NEDD4: variants seen among roughly 807,000 people sequenced by gnomAD.
NEDD4 encodes NEDD4 E3 ubiquitin protein ligase.
In NEDD4, 99 loss-of-function variants were observed where a neutral mutation model predicts 144.9. The observed-to-expected ratio is 0.68, with a 90% CI of 0.58 to 0.81. NEDD4 has a LOEUF of 0.81. Ranked by LOEUF, NEDD4 falls within the 30% of genes least tolerant of loss-of-function variation. The pLI is 0.00. For synonymous variants in NEDD4, 318 were observed against 350.6 expected (o/e 0.91, Z 1.04); for missense variants, 985 against 1,065.9 (o/e 0.92, Z 1.06).
intron 5 of NEDD4, chr15:55,916,241 A>G: frequency 1.2e-6 from 2 of 1,614,044 alleles, no homozygotes; most frequent in Non-Finnish European, 1.7e-6. Context: ...AAGTATCATC[A>G]CTTGGTGGAA....
intron 1 of NEDD4, among the ~76,000 whole-genome samples, chr15:55,976,518 T>C (rs535278055): frequency 6.6e-6 from 1 of 151,998 alleles, no homozygotes; most frequent in Non-Finnish European, 1.5e-5. Flanking sequence ...AAAACTACAA[T>C]GAGATATCAT....
intron 8 of NEDD4, among the ~76,000 whole-genome samples, chr15:55,866,642 T>C (rs982906427): frequency 1.3e-5 from 2 of 152,190 alleles, no homozygotes; most frequent in Non-Finnish European, 2.9e-5. Context: ...AAAAGAATAT[T>C]TCTTTTAAAG....
intron 8 of NEDD4, among the ~76,000 whole-genome samples, chr15:55,867,640 C>CT (rs1164427034): frequency 2.0e-5 from 3 of 152,112 alleles, no homozygotes; most frequent in Admixed American, 2.0e-4. Flanking sequence ...TACTTGAAAA[C>CT]TTTAAAAACA....
In NEDD4 at chr15:55,966,555, C is replaced by A; in HGVS notation, c.46-9G>T. On this transcript the variant is annotated splice_polypyrimidine_tract_variant and intron_variant, in intron 1 of 28. Transcript: ENST00000435532. ...ACAATTCGTGAATTTTCCTAAAATACAAAAATTTAGATTTCATTTTCATGT... is the reference window on the plus strand; with the variant it reads ...ACAATTCGTGAATTTTCCTAAAATAAAAAAATTTAGATTTCATTTTCATGT... The A allele has an allele frequency of 6.7e-7, 1 of 1,496,414 alleles. No homozygotes were observed. The highest frequency in any genetic ancestry group is 1.4e-5 in the South Asian group (1 of 73,218). The allele number at this position is 1,496,414 out of a possible 1,614,324, so 92.7% of individuals were successfully genotyped here. A position where few individuals can be genotyped will look rare whatever the true frequency, so the allele number is the denominator to read the frequency against.
intron 8 of NEDD4, among the ~76,000 whole-genome samples, chr15:55,868,199 T>C (rs2034650921): frequency 6.6e-6 from 1 of 152,172 alleles, no homozygotes. Flanking sequence ...TCAAGGTACA[T>C]GGGCATGTGA....
intron 18 of NEDD4, among the ~76,000 whole-genome samples, chr15:55,845,412 T>A (rs1429873463): frequency 3.3e-5 from 5 of 152,210 alleles, no homozygotes; most frequent in African/African-American, 1.2e-4. Context: ...AAGGTAATAG[T>A]AGTCCCTTCC....
intron 1 of NEDD4, among the ~76,000 whole-genome samples, chr15:55,991,164 T>C (rs1210771208): frequency 6.6e-6 from 1 of 152,236 alleles, no homozygotes. Context: ...AAGAATCCTC[T>C]CCTTTTGTTG....
At chr15:55,855,937 TG>T (rs2034175530) in intron 12 of NEDD4, among the ~76,000 whole-genome samples, 193 bp downstream of exon 12, 1 of 152,200 alleles carries the variant, frequency 6.6e-6, no homozygotes, top group Non-Finnish European at 1.5e-5. Context: ...GCAGAGACTT[TG>T]CTTTTAACAT....
At chr15:55,990,262 T>C (rs370772033) in intron 1 of NEDD4, among the ~76,000 whole-genome samples, 1 of 152,144 alleles carries the variant, frequency 6.6e-6, no homozygotes, top group South Asian at 2.1e-4. Context: ...GCATCCCCGG[T>C]CCATGGAAAA....
At chr15:55,903,990 T>C (rs2036002565) in intron 5 of NEDD4, among the ~76,000 whole-genome samples, 1 of 151,400 alleles carries the variant, frequency 6.6e-6, no homozygotes, top group Non-Finnish European at 1.5e-5. Context: ...TGAAACCCCA[T>C]CTCTACTAAA....
chr15:55,861,512 G>C (rs1377257238), intron 9 of NEDD4, among the ~76,000 whole-genome samples: 1 of 151,946 alleles, frequency 6.6e-6, no homozygotes, highest in Non-Finnish European at 1.5e-5. Context: ...TAATTTAATT[G>C]TACATTTAAA....
At chr15:55,982,496 A>G (rs1232525829) in intron 1 of NEDD4, among the ~76,000 whole-genome samples, 2 of 152,204 alleles carry the variant, frequency 1.3e-5, no homozygotes, top group African/African-American at 4.8e-5. Flanking sequence ...GACACAAAAG[A>G]GTACATAATG....
intron 4 of NEDD4, among the ~76,000 whole-genome samples, chr15:55,938,788 C>T (rs1362919945): frequency 6.6e-6 from 1 of 151,708 alleles, no homozygotes; most frequent in Admixed American, 6.6e-5. Flanking sequence ...AAAAAACAAG[C>T]ATCAACAACA....
At chr15:55,907,271 G>A (rs1178420039) in intron 5 of NEDD4, among the ~76,000 whole-genome samples, 1 of 151,912 alleles carries the variant, frequency 6.6e-6, no homozygotes, top group Non-Finnish European at 1.5e-5. Flanking sequence ...AGGAATTCTA[G>A]GAAGAGAAAA....
intron 5 of NEDD4, chr15:55,916,918 C>T (rs1291904053): frequency 1.3e-6 from 2 of 1,503,116 alleles, no homozygotes; most frequent in African/African-American, 1.4e-5. Flanking sequence ...TGCACTGCAT[C>T]AAAAGAAAAA....
At chr15:55,920,477 T>C (rs1320286421) in intron 5 of NEDD4, among the ~76,000 whole-genome samples, 2 of 152,140 alleles carry the variant, frequency 1.3e-5, no homozygotes, top group East Asian at 1.9e-4. Context: ...TCTGTCATTA[T>C]TGCCACCACT....
chr15:55,970,310 T>C (rs1232874554), intron 1 of NEDD4, among the ~76,000 whole-genome samples: 4 of 152,108 alleles, frequency 2.6e-5, no homozygotes, highest in African/African-American at 9.7e-5. Flanking sequence ...TGGACAGCAT[T>C]TCTAGAACCA....
intron 9 of NEDD4, 25 bp downstream of exon 9, chr15:55,862,888 A>T: frequency 6.5e-7 from 1 of 1,548,092 alleles, no homozygotes; most frequent in African/African-American, 1.4e-5. Context: ...TCCAGATTAA[A>T]ATTGTGAAAG....
chr15:55,904,140 G>A (rs1412475488), intron 5 of NEDD4, among the ~76,000 whole-genome samples: 1 of 152,022 alleles, frequency 6.6e-6, no homozygotes, highest in African/African-American at 2.4e-5. Flanking sequence ...CCAGGGACAA[G>A]AGCAAGACTG....
Sources: allele counts gnomAD v4.1 joint callset (sites outside exome capture counted in the v4.1 genomes callset), GRCh38; gene constraint gnomAD v4.1.1; transcripts MANE v1.5; gene names NCBI Gene and HGNC (gene_info 2026-07-23, HGNC 2026-07-21).